The following LPAR6 variants were observed in gnomAD, a reference collection of about 807,000 sequenced individuals.
The protein encoded by LPAR6 is G-protein coupled purinergic receptor P2Y5.
Under a neutral mutation model 22.0 loss-of-function variants are expected in LPAR6, and 17 were observed. The ratio of observed to expected loss-of-function variants is 0.77; its 90% CI spans 0.53 to 1.16. LPAR6 has a LOEUF of 1.16. Ranked by LOEUF, LPAR6 falls within the 50% of genes most tolerant of loss-of-function variation. LPAR6 has a pLI of 0.00. For synonymous variants in LPAR6, 136 were observed against 139.8 expected (o/e 0.97, Z 0.19); for missense variants, 384 against 406.9 (o/e 0.94, Z 0.48).
intron 2 of LPAR6, among the ~76,000 whole-genome samples, chr13:48,422,369 G>A (rs879273393): frequency 3.3e-5 from 5 of 152,114 alleles, no homozygotes; most frequent in Admixed American, 1.3e-4. Flanking sequence ...GCCTGTCGGG[G>A]TTGGGGGTTA....
rs1948843888 is a variant in LPAR6, at chr13:48,412,995, A to G, written c.-572T>C. 5.9e-6 allele frequency: 1 copy of G among 168,834 alleles called. No individual in the cohort carries two copies. Among genetic ancestry groups the G allele is most frequent in the East Asian group, 1.9e-4 (1 of 5,262 alleles). 10.5% of individuals were successfully genotyped at this position (168,834 alleles called of 1,614,324 possible). ...TTTGTTTTCCTGCAGTGGATCCCAG[A>G]TTGTGGGTAAGCAGAAGAGTCTTTT... On this transcript the variant is annotated 5_prime_UTR_variant, in exon 1 of 1. Coordinates refer to ENST00000620633, the MANE Select transcript of LPAR6 (RefSeq NM_001162498.3).
intron 2 of LPAR6, among the ~76,000 whole-genome samples, chr13:48,420,986 A>G (rs891083629): frequency 2.0e-5 from 3 of 152,242 alleles, no homozygotes; most frequent in African/African-American, 4.8e-5. Context: ...ATTCAATGCT[A>G]TCCCTATCGA....
upstream of LPAR6, among the ~76,000 whole-genome samples, chr13:48,431,667 C>T (rs1034352492): frequency 1.3e-5 from 2 of 152,098 alleles, no homozygotes; most frequent in Non-Finnish European, 2.9e-5. Context: ...AGCACTACTC[C>T]AGAAAGGTTA....
chr13:48,438,308 C>A (rs1252107082), intron 1 of LPAR6, among the ~76,000 whole-genome samples: 2 of 152,146 alleles, frequency 1.3e-5, no homozygotes, highest in African/African-American at 4.8e-5. Context: ...TATAGATTAG[C>A]TGCATGAAGT....
In LPAR6 at chr13:48,411,289, A is replaced by G. The variant is rs1593479781; in HGVS notation, c.*100T>C. 3.2e-6 allele frequency: 3 copies of G among 952,358 alleles called. No homozygotes were observed. The East Asian group carries it at 7.2e-5, about 23-fold the overall frequency. The allele number at this position is 952,358 out of a possible 1,614,324, so 59.0% of individuals were successfully genotyped here. On this transcript the variant is annotated 3_prime_UTR_variant, in exon 1 of 1. Transcript: ENST00000620633. ...AAAGACTTTAAAATGTCCATGTGTT[A>G]ATTTCTTTTGGAGGTGGAAAAATAG...
At chr13:48,439,188 A>T (rs1949212616) in intron 1 of LPAR6, among the ~76,000 whole-genome samples, 1 of 152,202 alleles carries the variant, frequency 6.6e-6, no homozygotes, top group Admixed American at 6.5e-5. Context: ...CAGCCATATA[A>T]TATGGGGCAA....
intron 1 of LPAR6, among the ~76,000 whole-genome samples, chr13:48,392,141 C>G (rs902087499): frequency 6.6e-6 from 1 of 151,824 alleles, no homozygotes; most frequent in African/African-American, 2.4e-5. Flanking sequence ...GATGAAGCCT[C>G]GCTCTTTTGC....
intron 2 of LPAR6, among the ~76,000 whole-genome samples, chr13:48,419,865 A>G (rs1948978303): frequency 6.6e-6 from 1 of 152,230 alleles, no homozygotes; most frequent in African/African-American, 2.4e-5. Flanking sequence ...GAATAGACCA[A>G]TAACAAGTTC....
At chr13:48,434,716 C>T (rs1489959312) in intron 1 of LPAR6, among the ~76,000 whole-genome samples, 1 of 152,172 alleles carries the variant, frequency 6.6e-6, no homozygotes, top group African/African-American at 2.4e-5. Flanking sequence ...CAATTGCACC[C>T]ATATCCCTCC....
At chr13:48,442,102 A>G (rs1337691649) in intron 1 of LPAR6, among the ~76,000 whole-genome samples, 1 of 152,188 alleles carries the variant, frequency 6.6e-6, no homozygotes, top group African/African-American at 2.4e-5. Context: ...CATCATATTC[A>G]GACATGCTAG....
chr13:48,437,567 A>C (rs975904662), intron 1 of LPAR6, among the ~76,000 whole-genome samples: 2 of 152,156 alleles, frequency 1.3e-5, no homozygotes, highest in Non-Finnish European at 2.9e-5. Context: ...GGGATTGGAG[A>C]GTCTACTTCC....
chr13:48,427,151 A>G (rs188637537), upstream of LPAR6, among the ~76,000 whole-genome samples: 911 of 151,994 alleles, frequency 6.0e-3, 11 homozygotes, highest in African/African-American at 0.021. Flanking sequence ...AGCATTGGGG[A>G]GCACACTTCA....
At chr13:48,421,790 A>T (rs1215141051) in intron 2 of LPAR6, among the ~76,000 whole-genome samples, 3 of 152,200 alleles carry the variant, frequency 2.0e-5, no homozygotes, top group Non-Finnish European at 4.4e-5. Context: ...GCGGTCATTA[A>T]TGAAATGCAA....
At chr13:48,422,865 G>A (rs1296468699) in intron 1 of LPAR6, 1 of 152,208 alleles carries the variant, frequency 6.6e-6, no homozygotes, top group Non-Finnish European at 1.5e-5. Context: ...TCTTGGCCAG[G>A]ATCTGTGGTT....
At chr13:48,435,239 A>AT (rs1339345088) in intron 1 of LPAR6, among the ~76,000 whole-genome samples, 2 of 151,970 alleles carry the variant, frequency 1.3e-5, no homozygotes, top group African/African-American at 4.8e-5. Context: ...TGATGTCTTT[A>AT]TTTTTTATTT....
chr13:48,418,954 C>A (rs1273621434), intron 2 of LPAR6, among the ~76,000 whole-genome samples: 1 of 152,102 alleles, frequency 6.6e-6, no homozygotes, highest in African/African-American at 2.4e-5. Flanking sequence ...CTTTAACACC[C>A]CACTGTCAAT....
At chr13:48,422,963 A>T (rs1342992420) in intron 1 of LPAR6, among the ~76,000 whole-genome samples, 1 of 152,008 alleles carries the variant, frequency 6.6e-6, no homozygotes, top group African/African-American at 2.4e-5. Flanking sequence ...CAACATAGTG[A>T]CACCCTGTTT....
Position 48,412,447 on chromosome 13 carries a change from G to A in LPAR6, c.-24C>T, listed in dbSNP as rs768706415. On this transcript the variant is annotated 5_prime_UTR_variant, in exon 1 of 1. Coordinates refer to ENST00000620633, the MANE Select transcript of LPAR6 (RefSeq NM_001162498.3). The stretch of plus-strand genomic sequence containing the variant: ...ATCGTAAAGGCACGTCCAATTTTCA[G>A]TTTGGAAGCACTTTCATCAGCTGCA... 110 of 1,553,012 alleles carry A rather than the reference G, an allele frequency of 7.1e-5. No individual in the cohort carries two copies. Among genetic ancestry groups the A allele is most frequent in the Non-Finnish European group, 9.5e-5 (107 of 1,124,514 alleles).
Position 48,412,640 on chromosome 13 carries a change from T to C in LPAR6, c.-217A>G, listed in dbSNP as rs1406796782. 48 of 587,924 alleles carry C rather than the reference T, an allele frequency of 8.2e-5. No individual in the cohort carries two copies. The East Asian group carries it at 1.1e-3, about 14-fold the overall frequency. The allele number at this position is 587,924 out of a possible 1,614,324, so 36.4% of individuals were successfully genotyped here. ...GCTGGGTTCTTCAACAGGAAAATAT[T>C]TTCATTTGTTAGTCTTTAGAAAATC... On this transcript the variant is annotated 5_prime_UTR_variant, in exon 1 of 1. Transcript: ENST00000620633.
Sources: allele counts gnomAD v4.1 joint callset (sites outside exome capture counted in the v4.1 genomes callset), GRCh38; gene constraint gnomAD v4.1.1; transcripts MANE v1.5; gene names NCBI Gene and HGNC (gene_info 2026-07-23, HGNC 2026-07-21).